PRSS23: variants seen among roughly 807,000 people sequenced by gnomAD.
PRSS23 encodes the protein serine protease 23.
A neutral mutation model predicts 34.7 loss-of-function variants in PRSS23; 25 were observed. That is an observed-to-expected ratio of 0.72 (90% CI 0.53 to 1.01). The LOEUF is 1.01. Ranked by LOEUF, PRSS23 falls within the 50% of genes least tolerant of loss-of-function variation. The pLI is 0.00. For missense variants in PRSS23, 445 were observed against 475.6 expected (o/e 0.94, Z 0.60); for synonymous variants, 176 against 186.6 (o/e 0.94, Z 0.46).
chr11:86,890,664 A>C (rs1156792279), intron 2 of PRSS23, among the ~76,000 whole-genome samples: 2 of 152,156 alleles, frequency 1.3e-5, no homozygotes, highest in Non-Finnish European at 2.9e-5. Context: ...TGAGGCCCTA[A>C]GTTTTAGGTT....
At chr11:86,855,198 C>T (rs544121976) in intron 2 of PRSS23, among the ~76,000 whole-genome samples, 4 of 151,724 alleles carry the variant, frequency 2.6e-5, no homozygotes, top group South Asian at 2.1e-4. Flanking sequence ...AGCATGATTT[C>T]GAGTCCCAGT....
intron 2 of PRSS23, among the ~76,000 whole-genome samples, chr11:86,889,108 C>G (rs957001842): frequency 9.2e-5 from 14 of 152,204 alleles, no homozygotes; most frequent in South Asian, 2.1e-4. Context: ...TCTCTGCTAA[C>G]AACTAGCAGT....
At chr11:86,862,824 G>C (rs552224301) in intron 2 of PRSS23, among the ~76,000 whole-genome samples, 1 of 150,910 alleles carries the variant, frequency 6.6e-6, no homozygotes, top group African/African-American at 2.4e-5. Context: ...TATCCTAGGG[G>C]GGTGTTATTT....
At chr11:86,842,330 T>C (rs1308108358) in intron 2 of PRSS23, among the ~76,000 whole-genome samples, 2 of 152,220 alleles carry the variant, frequency 1.3e-5, no homozygotes, top group Admixed American at 6.5e-5. Context: ...AATATCATAC[T>C]GAATGGGCAA....
chr11:86,800,447 G>A, upstream of PRSS23: 11 of 983,786 alleles, frequency 1.1e-5, no homozygotes, highest in Non-Finnish European at 1.3e-5. Context: ...GGCGGCGTCC[G>A]CGCGGCTTCC....
At chr11:86,831,907 T>C (rs1009068672) in intron 2 of PRSS23, among the ~76,000 whole-genome samples, 1 of 151,864 alleles carries the variant, frequency 6.6e-6, no homozygotes, top group Non-Finnish European at 1.5e-5. Context: ...TTCACAATAT[T>C]CCGGAATGAT....
chr11:86,900,384 C>T (rs1948903208), intron 2 of PRSS23, among the ~76,000 whole-genome samples: 1 of 152,228 alleles, frequency 6.6e-6, no homozygotes, highest in Admixed American at 6.5e-5. Context: ...CATTTGATGA[C>T]TCAGGCTGTG....
At chr11:86,924,401 A>G (rs747301397) in intron 2 of PRSS23, among the ~76,000 whole-genome samples, 39 of 152,346 alleles carry the variant, frequency 2.6e-4, no homozygotes, top group Non-Finnish European at 4.0e-4. Context: ...TGATGAGGGC[A>G]TGTTTGACTT....
At chr11:86,871,493 T>C (rs775204913) in intron 2 of PRSS23, among the ~76,000 whole-genome samples, 7 of 152,192 alleles carry the variant, frequency 4.6e-5, no homozygotes, top group Non-Finnish European at 1.0e-4. Flanking sequence ...CTCTGTACAG[T>C]ATTCTCTTCT....
At chr11:86,863,411 G>GC (rs11374280) in intron 2 of PRSS23, among the ~76,000 whole-genome samples, 48,059 of 151,982 alleles carry the variant, frequency 0.32, 7,836 homozygotes, top group Non-Finnish European at 0.36. Flanking sequence ...ATGGCACCCA[G>GC]AGGATACAGG....
intron 1 of PRSS23, 123 bp from the exon 2 acceptor site, chr11:86,807,508 C>A: frequency 1.1e-6 from 1 of 942,886 alleles, no homozygotes; most frequent in Non-Finnish European, 1.6e-6. Flanking sequence ...TCTCCACACC[C>A]TGATTCCTGA....
At chr11:86,801,050 G>A (rs1490024294) in intron 1 of PRSS23, among the ~76,000 whole-genome samples, 1 of 152,154 alleles carries the variant, frequency 6.6e-6, no homozygotes, top group Non-Finnish European at 1.5e-5. Flanking sequence ...CTTGAGTTTT[G>A]CATATACCGG....
chr11:86,839,187 C>G (rs761675489), intron 2 of PRSS23, among the ~76,000 whole-genome samples: 1 of 151,980 alleles, frequency 6.6e-6, no homozygotes, highest in Middle Eastern at 3.2e-3. Flanking sequence ...TCAGTAGTAA[C>G]GAACTTCTCT....
At chr11:86,951,255 G>C (rs1193072341) in exon 3 of PRSS23, 8 of 1,614,136 alleles carry the variant, frequency 5.0e-6, no homozygotes, top group Non-Finnish European at 6.8e-6. Flanking sequence ...CACGTGTGAA[G>C]AGTTTTGGCA....
intron 2 of PRSS23, among the ~76,000 whole-genome samples, chr11:86,913,728 T>C (rs927265977): frequency 6.6e-6 from 1 of 151,532 alleles, no homozygotes; most frequent in African/African-American, 2.4e-5. Context: ...TCAAGAGTTT[T>C]TGGATAGAGA....
intron 1 of PRSS23, among the ~76,000 whole-genome samples, chr11:86,805,513 C>T (rs1948090425): frequency 1.3e-5 from 2 of 152,214 alleles, no homozygotes; most frequent in Admixed American, 1.3e-4. Flanking sequence ...GTATTTCCTT[C>T]CTACAAAAGG....
In PRSS23 at chr11:86,886,052, T is replaced by C. The variant is rs561161181; in HGVS notation, c.206+62459T>C. Among the ~76,000 whole-genome samples, 7 of 152,338 alleles carry C rather than the reference T, an allele frequency of 4.6e-5. No individual in the cohort carries two copies. In the South Asian group the frequency reaches 1.5e-3, roughly 32 times the overall value. ...CTGACAAGCATTGTGCTAAGTGTTTTATATGTTATCTCACATAATTTGTGC... is the reference window on the plus strand; with the variant it reads ...CTGACAAGCATTGTGCTAAGTGTTTCATATGTTATCTCACATAATTTGTGC... On this transcript the variant is annotated intron_variant, in intron 2 of 2. Transcript: ENST00000533902.
At chr11:86,804,758 T>G (rs2135596252) in intron 1 of PRSS23, among the ~76,000 whole-genome samples, 1 of 152,340 alleles carries the variant, frequency 6.6e-6, no homozygotes, top group East Asian at 1.9e-4. Context: ...TGAGACATAA[T>G]CATTCATCAT....
chr11:86,878,616 C>A (rs1211356297), intron 2 of PRSS23, among the ~76,000 whole-genome samples: 1 of 152,096 alleles, frequency 6.6e-6, no homozygotes, highest in Non-Finnish European at 1.5e-5. Flanking sequence ...CTCGCTACAA[C>A]CTCCACCTCC....
Sources: allele counts gnomAD v4.1 joint callset (sites outside exome capture counted in the v4.1 genomes callset), GRCh38; gene constraint gnomAD v4.1.1; transcripts MANE v1.5; gene names NCBI Gene and HGNC (gene_info 2026-07-23, HGNC 2026-07-21).